The following GALNTL6 variants were observed in gnomAD, a reference collection of about 807,000 sequenced individuals.
GALNTL6 encodes the protein polypeptide N-acetylgalactosaminyltransferase-like 6.
In GALNTL6, 46 loss-of-function variants were observed where a neutral mutation model predicts 73.7. The ratio of observed to expected loss-of-function variants is 0.62; its 90% CI spans 0.49 to 0.80. GALNTL6 has a LOEUF of 0.80. Ranked by LOEUF, GALNTL6 falls within the 30% of genes least tolerant of loss-of-function variation. GALNTL6 has a pLI of 0.00. For missense variants in GALNTL6, 604 were observed against 755.0 expected (o/e 0.80, Z 2.34); for synonymous variants, 259 against 263.7 (o/e 0.98, Z 0.17).
At chr4:172,487,351 T>C (rs150840332) in intron 5 of GALNTL6, among the ~76,000 whole-genome samples, 11,250 of 103,716 alleles carry the variant, frequency 0.11, 733 homozygotes, top group East Asian at 0.27. Context: ...TCTTTCTTTC[T>C]TTCTTTCCTT....
chr4:172,154,558 T>C (rs545592522), intron 2 of GALNTL6, among the ~76,000 whole-genome samples: 16 of 152,224 alleles, frequency 1.1e-4, no homozygotes, highest in Non-Finnish European at 2.2e-4. Flanking sequence ...TTTTTTATAC[T>C]ATCTTTTGAA....
intron 5 of GALNTL6, among the ~76,000 whole-genome samples, chr4:172,669,539 C>T (rs1170214540): frequency 6.6e-6 from 1 of 152,134 alleles, no homozygotes; most frequent in Non-Finnish European, 1.5e-5. Flanking sequence ...GCCACTTTGT[C>T]AGTCATTGCT....
intron 5 of GALNTL6, among the ~76,000 whole-genome samples, chr4:172,787,104 G>A (rs72708705): frequency 0.018 from 2,731 of 152,192 alleles, 35 homozygotes; most frequent in Non-Finnish European, 0.028. Context: ...AGAACAAGCA[G>A]GGGAAAACAC....
intron 2 of GALNTL6, among the ~76,000 whole-genome samples, chr4:171,873,323 C>A (rs1736188041): frequency 6.6e-6 from 1 of 152,104 alleles, no homozygotes; most frequent in Non-Finnish European, 1.5e-5. Context: ...ATTGAACGAA[C>A]TTGAATCTAC....
chr4:172,820,106 G>A (rs955921365), intron 7 of GALNTL6, among the ~76,000 whole-genome samples: 1 of 152,214 alleles, frequency 6.6e-6, no homozygotes, highest in African/African-American at 2.4e-5. Context: ...CCAGTGGAGA[G>A]TGTGAGTAAG....
At chr4:172,057,478 C>T (rs1731050263) in intron 2 of GALNTL6, among the ~76,000 whole-genome samples, 1 of 151,224 alleles carries the variant, frequency 6.6e-6, no homozygotes, top group Non-Finnish European at 1.5e-5. Flanking sequence ...CATTTGAGCC[C>T]AGGAATTCAA....
intron 2 of GALNTL6, among the ~76,000 whole-genome samples, chr4:172,011,630 A>C (rs1051191471): frequency 3.6e-4 from 55 of 152,194 alleles, no homozygotes; most frequent in African/African-American, 1.3e-3. Flanking sequence ...TATATGTGAT[A>C]AAATCACTTT....
At chr4:172,313,982 G>A (rs1418385191) in intron 4 of GALNTL6, among the ~76,000 whole-genome samples, 3 of 152,128 alleles carry the variant, frequency 2.0e-5, no homozygotes, top group African/African-American at 4.8e-5. Flanking sequence ...TGCAGGAAAC[G>A]GAGAGCCAAA....
chr4:172,601,231 A>G (rs897995569), intron 5 of GALNTL6, among the ~76,000 whole-genome samples: 25 of 152,224 alleles, frequency 1.6e-4, no homozygotes, highest in Admixed American at 5.9e-4. Context: ...ACTTAACAAC[A>G]TAGCAATAGA....
intron 3 of GALNTL6, among the ~76,000 whole-genome samples, chr4:172,298,580 C>A (rs1739778362): frequency 6.6e-6 from 1 of 152,094 alleles, no homozygotes; most frequent in Non-Finnish European, 1.5e-5. Context: ...GCATGAAGGG[C>A]TGTTGAATTT....
intron 5 of GALNTL6, among the ~76,000 whole-genome samples, chr4:172,389,138 G>A (rs1173366156): frequency 6.6e-6 from 1 of 151,960 alleles, no homozygotes; most frequent in African/African-American, 2.4e-5. Context: ...CTTTAGGATT[G>A]TATGGAATAA....
At chr4:172,158,184 C>A (rs1734342765) in intron 2 of GALNTL6, among the ~76,000 whole-genome samples, 1 of 152,094 alleles carries the variant, frequency 6.6e-6, no homozygotes, top group African/African-American at 2.4e-5. Flanking sequence ...CTTTCCTAGG[C>A]AATTAAAAAT....
intron 2 of GALNTL6, among the ~76,000 whole-genome samples, chr4:172,002,388 T>C (rs1269498308): frequency 6.6e-6 from 1 of 152,134 alleles, no homozygotes; most frequent in Non-Finnish European, 1.5e-5. Flanking sequence ...GCTGTCTATA[T>C]GCCAGGAAGT....
At chr4:172,044,832 A>G (rs990911313) in intron 2 of GALNTL6, among the ~76,000 whole-genome samples, 3 of 152,034 alleles carry the variant, frequency 2.0e-5, no homozygotes, top group Non-Finnish European at 4.4e-5. Context: ...GACTTAAAAT[A>G]TCTATTTGAG....
chr4:172,966,256 T>C (rs1163742704), intron 10 of GALNTL6, among the ~76,000 whole-genome samples: 1 of 152,196 alleles, frequency 6.6e-6, no homozygotes, highest in Non-Finnish European at 1.5e-5. Flanking sequence ...GAGTGGCCTC[T>C]ACAGTGGCAA....
In GALNTL6 at chr4:172,923,888, A is replaced by G. The variant is rs1747914995; in HGVS notation, c.1042-7273A>G. ...TGAGACTTACTACCACGAGAACAGCACAGGAAAGACCTGCCCCCATGATTC... is the reference window on the plus strand; with the variant it reads ...TGAGACTTACTACCACGAGAACAGCGCAGGAAAGACCTGCCCCCATGATTC... On this transcript the variant is annotated intron_variant, in intron 8 of 12. Transcript: ENST00000506823. 4.6e-5 allele frequency among the ~76,000 whole-genome samples: 7 copies of G among 151,980 alleles called. No homozygotes were observed. In the South Asian group the frequency reaches 1.5e-3, roughly 32 times the overall value.
intron 3 of GALNTL6, among the ~76,000 whole-genome samples, chr4:172,274,080 G>A (rs140786242): frequency 3.3e-5 from 5 of 152,140 alleles, no homozygotes; most frequent in South Asian, 2.1e-4. Flanking sequence ...GTAGAAAATC[G>A]TTTCATTATA....
At chr4:172,429,978 G>T (rs954264928) in intron 5 of GALNTL6, among the ~76,000 whole-genome samples, 2 of 151,962 alleles carry the variant, frequency 1.3e-5, no homozygotes, top group African/African-American at 4.8e-5. Context: ...AATAAGTGAG[G>T]TATTAGTGTA....
rs78339079 is a variant in GALNTL6, at chr4:171,844,266, A to G, written c.138+29548A>G. On this transcript the variant is annotated intron_variant, in intron 2 of 12. Coordinates refer to ENST00000506823, the MANE Select transcript of GALNTL6 (RefSeq NM_001034845.3). The stretch of plus-strand genomic sequence containing the variant: ...AGGGTCATTATTATGTTTTTTAAAA[A>G]GTTTCCTTTACCTTCATCTTCATCC... Among the ~76,000 whole-genome samples, 519 of 152,224 alleles carry G rather than the reference A, an allele frequency of 3.4e-3. 1 individual carries two copies. The highest frequency in any genetic ancestry group is 0.012 in the African/African-American group (483 of 41,542).
Sources: allele counts gnomAD v4.1 joint callset (sites outside exome capture counted in the v4.1 genomes callset), GRCh38; gene constraint gnomAD v4.1.1; transcripts MANE v1.5; gene names NCBI Gene and HGNC (gene_info 2026-07-23, HGNC 2026-07-21).